The following CTXN2 variants were observed in gnomAD, a reference collection of about 807,000 sequenced individuals.
CTXN2 encodes the protein cortexin 2, also known as cortexin-2.
CTXN2 carries 3 observed loss-of-function variants against 5.7 expected under a neutral mutation model. That is an observed-to-expected ratio of 0.53 (90% CI 0.24 to 1.36). The LOEUF (loss-of-function observed/expected upper bound fraction) is 1.36, where lower values mean the gene tolerates loss of function less well. Among genes scored for constraint, CTXN2 ranks in the 40% most tolerant of loss-of-function variants. The pLI is 0.17. For missense variants in CTXN2, 87 were observed against 93.0 expected, an observed-to-expected ratio of 0.94 and a Z score of 0.26; for synonymous variants, 38 against 36.4, an observed-to-expected ratio of 1.04 and a Z score of -0.16.
At chr15:48,181,522 C>G (rs886931069) in intron 1 of CTXN2, among the ~76,000 whole-genome samples, 1 of 151,954 alleles carries the variant, frequency 6.6e-6, no homozygotes, top group Non-Finnish European at 1.5e-5. Flanking sequence ...GGTTCTGTTA[C>G]CAATGAAGAA....
At chr15:48,179,692 A>G (rs1007395210) in intron 1 of CTXN2, among the ~76,000 whole-genome samples, 3 of 152,206 alleles carry the variant, frequency 2.0e-5, no homozygotes, top group Non-Finnish European at 4.4e-5. Context: ...GATTGAGGTG[A>G]GGATTAAAAG....
intron 1 of CTXN2, among the ~76,000 whole-genome samples, chr15:48,183,763 T>C (rs2140968852): frequency 6.6e-6 from 1 of 152,324 alleles, no homozygotes; most frequent in Middle Eastern, 3.4e-3. Context: ...CCTTGCAATA[T>C]CGTTCAGGCT....
intron 1 of CTXN2, among the ~76,000 whole-genome samples, chr15:48,199,865 T>A (rs1412361439): frequency 6.6e-6 from 1 of 152,112 alleles, no homozygotes; most frequent in Non-Finnish European, 1.5e-5. Flanking sequence ...TGAACAATAT[T>A]TTTTCCCTTT....
At chr15:48,187,974 G>T (rs1309196519), upstream of CTXN2, among the ~76,000 whole-genome samples, 1 of 151,890 alleles carries the variant, frequency 6.6e-6, no homozygotes, top group Non-Finnish European at 1.5e-5. Flanking sequence ...TTATAGTTTA[G>T]ATTTTTATCT....
chr15:48,192,105 C>T (rs541363655), intron 1 of CTXN2: 6 of 273,858 alleles, frequency 2.2e-5, no homozygotes, highest in African/African-American at 8.8e-5. Context: ...GTGTTGTGTA[C>T]GTGCAGATTG....
intron 1 of CTXN2, among the ~76,000 whole-genome samples, chr15:48,198,683 T>G (rs1464813170): frequency 1.3e-5 from 2 of 152,300 alleles, no homozygotes; most frequent in African/African-American, 2.4e-5. Flanking sequence ...TTTGCTGGTT[T>G]GTTTTGTTGG....
At chr15:48,185,999 A>G (rs2040749789) in intron 1 of CTXN2, among the ~76,000 whole-genome samples, 1 of 152,208 alleles carries the variant, frequency 6.6e-6, no homozygotes, top group African/African-American at 2.4e-5. Flanking sequence ...TTACAGAAGC[A>G]TACATTATGT....
Position 48,201,612 on chromosome 15 carries a change from C to A in CTXN2, c.*66C>A. 1.3e-6 allele frequency: 2 copies of A among 1,489,908 alleles called. No homozygotes were observed. The highest frequency in any genetic ancestry group is 2.5e-5 in the South Asian group (2 of 78,828). 92.3% of individuals were successfully genotyped at this position (1,489,908 alleles called of 1,614,324 possible). ...CACATTCTGGATACAATTGTAACTA[C>A]CTTGAGGGTGTGGGAGAGAGGCTCA... On this transcript the variant is annotated 3_prime_UTR_variant, in exon 2 of 2. Transcript: ENST00000417307.
At chr15:48,199,384 A>G (rs2040909570) in intron 1 of CTXN2, among the ~76,000 whole-genome samples, 1 of 152,156 alleles carries the variant, frequency 6.6e-6, no homozygotes, top group Non-Finnish European at 1.5e-5. Context: ...GCGTCCATCC[A>G]TAAACCATGT....
intron 1 of CTXN2, among the ~76,000 whole-genome samples, chr15:48,199,112 C>T (rs1402566910): frequency 6.6e-6 from 1 of 152,156 alleles, no homozygotes; most frequent in Non-Finnish European, 1.5e-5. Context: ...ACAGTCTCTG[C>T]TGACCCCATC....
chr15:48,181,954 T>C (rs1009030471), intron 1 of CTXN2, among the ~76,000 whole-genome samples: 5 of 152,234 alleles, frequency 3.3e-5, no homozygotes, highest in African/African-American at 1.2e-4. Flanking sequence ...TACTATGGTT[T>C]ATATTTGAAA....
intron 1 of CTXN2, among the ~76,000 whole-genome samples, chr15:48,194,987 C>G (rs1376714131): frequency 6.6e-6 from 1 of 152,076 alleles, no homozygotes; most frequent in African/African-American, 2.4e-5. Flanking sequence ...ACAACAATAC[C>G]TTAAAATATT....
intron 1 of CTXN2, 48 bp from the exon 2 acceptor site, chr15:48,201,196 C>A: frequency 8.5e-7 from 1 of 1,172,150 alleles, no homozygotes; most frequent in Non-Finnish European, 1.2e-6. Context: ...ACAACCTACC[C>A]AATACCATAC....
chr15:48,201,691 G>A lies in CTXN2; in HGVS notation c.*145G>A, dbSNP rs992871806. 3 of 795,074 alleles carry A rather than the reference G, an allele frequency of 3.8e-6. No individual in the cohort carries two copies. Among genetic ancestry groups the A allele is most frequent in the African/African-American group, 3.5e-5 (2 of 57,032 alleles). The allele number at this position is 795,074 out of a possible 1,614,324, so 49.3% of individuals were successfully genotyped here. ...GTGACTAATTTCTTCACCATGCTGT[G>A]TAAATGATAAACTATTGTTGGGATT... On this transcript the variant is annotated 3_prime_UTR_variant, in exon 2 of 2. Coordinates refer to ENST00000417307, the MANE Select transcript of CTXN2 (RefSeq NM_001145668.2).
At chr15:48,195,018 G>T (rs1419297778) in intron 1 of CTXN2, among the ~76,000 whole-genome samples, 2 of 152,180 alleles carry the variant, frequency 1.3e-5, no homozygotes, top group Middle Eastern at 3.4e-3. Flanking sequence ...AAAATTTTAT[G>T]CTAGACAAAA....
chr15:48,201,592 T>C lies in CTXN2; in HGVS notation c.*46T>C. On this transcript the variant is annotated 3_prime_UTR_variant, in exon 2 of 2. Coordinates refer to ENST00000417307, the MANE Select transcript of CTXN2 (RefSeq NM_001145668.2). ...TTATGGTTGTGCCATCGGGACACAT[T>C]CTGGATACAATTGTAACTACCTTGA... The C allele has an allele frequency of 1.3e-6, 2 of 1,540,574 alleles. No individual in the cohort carries two copies. The highest frequency in any genetic ancestry group is 2.5e-5 in the East Asian group (1 of 40,804).
At chr15:48,194,199 G>A (rs942935309) in intron 1 of CTXN2, among the ~76,000 whole-genome samples, 1 of 147,408 alleles carries the variant, frequency 6.8e-6, no homozygotes, top group Non-Finnish European at 1.5e-5. Context: ...TAAAACATTT[G>A]TTCTTTCTCA....
rs1479156037 is a variant in CTXN2, at chr15:48,202,479, C to T, written c.*933C>T. ...ATGAAAAGTTTTTCAGATTAGGAGC[C>T]TAAACTCAGAGATTTGAATTCTAAT... On this transcript the variant is annotated 3_prime_UTR_variant, in exon 2 of 2. Coordinates refer to ENST00000417307, the MANE Select transcript of CTXN2 (RefSeq NM_001145668.2). The T allele has an allele frequency of 6.0e-6, 1 of 167,004 alleles. No individual in the cohort carries two copies. Among genetic ancestry groups the T allele is most frequent in the Non-Finnish European group, 1.5e-5 (1 of 68,100 alleles). 10.3% of individuals were successfully genotyped at this position (167,004 alleles called of 1,614,324 possible).
chr15:48,203,356 AG>A lies in CTXN2; in HGVS notation c.*1812del, dbSNP rs2040942826. On this transcript the variant is annotated 3_prime_UTR_variant, in exon 2 of 2. Transcript: ENST00000417307. ...TCTGGACCAAATCCTCACCTCAAGG[AG>A]GCTCTCTGTACCCCAGTTGGTTCAA... 6.0e-6 allele frequency: 1 copy of A among 167,086 alleles called. No homozygotes were observed. Among genetic ancestry groups the A allele is most frequent in the South Asian group, 2.1e-4 (1 of 4,816 alleles). The allele number at this position is 167,086 out of a possible 1,614,324, so 10.4% of individuals were successfully genotyped here.
Sources: gnomAD v4.1 joint callset for allele counts (sites outside exome capture counted in the v4.1 genomes callset) on GRCh38, gnomAD v4.1.1 for gene constraint, MANE v1.5 for transcripts, NCBI Gene and HGNC (gene_info 2026-07-23, HGNC 2026-07-21) for gene names.